The following MCM6 variants were observed in gnomAD, a reference collection of about 807,000 sequenced individuals.
MCM6 encodes the protein minichromosome maintenance complex component 6, also known as DNA replication licensing factor MCM6.
In MCM6, 46 loss-of-function variants were observed where a neutral mutation model predicts 94.3. That is an observed-to-expected ratio of 0.49 (90% CI 0.39 to 0.62). MCM6 has a LOEUF of 0.62. Ranked by LOEUF, MCM6 falls within the 20% of genes least tolerant of loss-of-function variation. The probability of loss-of-function intolerance (pLI) is 0.00; values close to 1 mark genes in which losing one functional copy is unlikely to be tolerated. For synonymous variants in MCM6, 335 were observed against 351.9 expected, an observed-to-expected ratio of 0.95 and a Z score of 0.54; for missense variants, 865 against 1,017.9, an observed-to-expected ratio of 0.85 and a Z score of 2.04.
intron 1 of MCM6, among the ~76,000 whole-genome samples, chr2:135,874,321 C>T (rs4988146): frequency 3.2e-4 from 48 of 152,238 alleles, no homozygotes; most frequent in African/African-American, 1.1e-3. Flanking sequence ...ACAAACAGCA[C>T]CCTGGGAGCC....
chr2:135,874,492 C>T (rs146296835), intron 1 of MCM6, among the ~76,000 whole-genome samples: 97 of 152,244 alleles, frequency 6.4e-4, no homozygotes, highest in African/African-American at 2.2e-3. Flanking sequence ...ACCAAAATTT[C>T]CTAAGAAGGC....
At chr2:135,843,737 A>AAAAAAAC (rs1553437366) in intron 16 of MCM6, among the ~76,000 whole-genome samples, 1 of 150,584 alleles carries the variant, frequency 6.6e-6, no homozygotes, top group East Asian at 2.0e-4. Context: ...TCTCAAAAAA[A>AAAAAAAC]AAAAAAAAAA....
At chr2:135,844,442 AAAAC>A (rs1248073048) in intron 16 of MCM6, 99 bp downstream of exon 16, 13 of 1,067,748 alleles carry the variant, frequency 1.2e-5, no homozygotes, top group South Asian at 1.1e-4. Context: ...CCAATGATTC[AAAAC>A]AAACAAAGGT....
At chr2:135,868,523 A>T in intron 4 of MCM6, 88 bp downstream of exon 4, 5 of 1,365,224 alleles carry the variant, frequency 3.7e-6, no homozygotes, top group Non-Finnish European at 4.1e-6. Flanking sequence ...AATTGAGTTG[A>T]ACATTATCTA....
At chr2:135,848,890 C>T (rs542664965) in intron 13 of MCM6, among the ~76,000 whole-genome samples, 1 of 150,946 alleles carries the variant, frequency 6.6e-6, no homozygotes, top group Non-Finnish European at 1.5e-5. Flanking sequence ...ATCTCAAAAA[C>T]AAAACAAAAC....
At chr2:135,850,205 C>T (rs964902050) in intron 13 of MCM6, among the ~76,000 whole-genome samples, 10 of 152,174 alleles carry the variant, frequency 6.6e-5, no homozygotes, top group Non-Finnish European at 1.3e-4. Flanking sequence ...GTTTAAACGT[C>T]GGCACCTCCC....
chr2:135,870,107 C>G (rs1575368245), intron 3 of MCM6, 144 bp downstream of exon 3: 1 of 566,494 alleles, frequency 1.8e-6, no homozygotes, highest in East Asian at 2.7e-5. Context: ...GAAACTGAGG[C>G]TCAGGGAGGT....
rs1679540590 is a variant in MCM6, at chr2:135,840,068, C to G, written c.*767G>C. On this transcript the variant is annotated 3_prime_UTR_variant, in exon 17 of 17. Transcript: ENST00000264156. ...ACGGTAATAACTTTTCCTGGAAGAC[C>G]ATAAAATTTGGGGATTGCTTGTAAT... 6.6e-6 allele frequency: 1 copy of G among 151,972 alleles called. No homozygotes were observed. The highest frequency in any genetic ancestry group is 6.6e-5 in the Admixed American group (1 of 15,266). 9.4% of individuals were successfully genotyped at this position (151,972 alleles called of 1,614,324 possible). A position where few individuals can be genotyped will look rare whatever the true frequency, so the allele number is the denominator to read the frequency against.
intron 8 of MCM6, among the ~76,000 whole-genome samples, chr2:135,862,297 CAAATAATAAAATTTGTATAAAATTTTAT>C (rs1680010461): frequency 1.9e-5 from 2 of 106,192 alleles, no homozygotes; most frequent in Admixed American, 9.1e-5. Flanking sequence ...AAATTTTATA[CAAATAATAAAATTTGTATAAAATTTTAT>C]ACAAATAATA....
At position 135,840,303 on chromosome 2, in the gene MCM6, A is replaced by G. The variant is rs1214168547; in HGVS notation, c.*532T>C. 1.3e-5 allele frequency: 2 copies of G among 151,688 alleles called. No homozygotes were observed. The highest frequency in any genetic ancestry group is 2.9e-5 in the Non-Finnish European group (2 of 67,970). The allele number at this position is 151,688 out of a possible 1,614,324, so 9.4% of individuals were successfully genotyped here. On this transcript the variant is annotated 3_prime_UTR_variant, in exon 17 of 17. Transcript: ENST00000264156. ...TAGCTTTCATATGAGTTCTCTAATG[A>G]CTCCTTCTCATAGAAACCTCATCCA...
At chr2:135,865,226 A>G in intron 6 of MCM6, 63 bp from the exon 7 acceptor site, 1 of 1,194,694 alleles carries the variant, frequency 8.4e-7, no homozygotes. Context: ...CATAAAGGAG[A>G]AGAAACTTCA....
intron 16 of MCM6, among the ~76,000 whole-genome samples, chr2:135,841,722 C>G (rs1000730953): frequency 6.6e-6 from 1 of 152,212 alleles, no homozygotes; most frequent in Admixed American, 6.5e-5. Context: ...TGTTAACATA[C>G]CTTCATAGGA....
chr2:135,856,046 GAAGAA>G (rs1679868303), intron 11 of MCM6, among the ~76,000 whole-genome samples: 2 of 151,292 alleles, frequency 1.3e-5, no homozygotes, highest in Admixed American at 1.3e-4. Flanking sequence ...AAAAAAAGAA[GAAGAA>G]AAGAAATTTC....
chr2:135,875,052 GCA>G (rs1265664491), intron 1 of MCM6, among the ~76,000 whole-genome samples: 1 of 152,150 alleles, frequency 6.6e-6, no homozygotes. Flanking sequence ...TGTTTAATGG[GCA>G]CAGAATGTCA....
intron 16 of MCM6, among the ~76,000 whole-genome samples, chr2:135,843,078 G>C (rs1372434431): frequency 6.6e-6 from 1 of 152,186 alleles, no homozygotes; most frequent in African/African-American, 2.4e-5. Flanking sequence ...GCGGTAAAAA[G>C]AGAAAAGAAA....
At chr2:135,870,437 C>A in intron 2 of MCM6, 76 bp from the exon 3 acceptor site, 1 of 951,902 alleles carries the variant, frequency 1.1e-6, no homozygotes, top group Non-Finnish European at 1.7e-6. Flanking sequence ...TACCAACAGC[C>A]GAGATTAAGG....
At chr2:135,843,596 C>T (rs942110557) in intron 16 of MCM6, among the ~76,000 whole-genome samples, 2 of 151,572 alleles carry the variant, frequency 1.3e-5, no homozygotes, top group East Asian at 3.9e-4. Flanking sequence ...AAAAATTAGC[C>T]GGGCGTGGTG....
chr2:135,844,529 G>T lies in MCM6; in HGVS notation c.2349+16C>A. The T allele has an allele frequency of 6.8e-7, 1 of 1,479,344 alleles. No individual in the cohort carries two copies. The allele number at this position is 1,479,344 out of a possible 1,614,324, so 91.6% of individuals were successfully genotyped here. ...CTCCCTCCCTGATACCAGAGCACGC[G>T]CACTTCTGCACCTACATAGTGTGTG... On this transcript the variant is annotated intron_variant, in intron 16 of 16. Transcript: ENST00000264156.
intron 6 of MCM6, 111 bp from the exon 7 acceptor site, chr2:135,865,274 A>T: frequency 5.9e-6 from 4 of 673,738 alleles, no homozygotes; most frequent in Middle Eastern, 2.8e-4. Context: ...CAACCTCACA[A>T]TTTATTGACT....
Sources: gnomAD v4.1 joint callset for allele counts (sites outside exome capture counted in the v4.1 genomes callset) on GRCh38, gnomAD v4.1.1 for gene constraint, MANE v1.5 for transcripts, NCBI Gene and HGNC (gene_info 2026-07-23, HGNC 2026-07-21) for gene names.